The following ARID1B variants were observed in gnomAD, a reference collection of about 807,000 sequenced individuals.
ARID1B encodes AT-rich interactive domain-containing protein 1B.
Under a neutral mutation model 212.3 loss-of-function variants are expected in ARID1B, and 30 were observed. That is an observed-to-expected ratio of 0.14 (90% CI 0.11 to 0.19). The LOEUF is 0.19. ARID1B is among the 10% of genes least tolerant of loss of function. The pLI, the probability that ARID1B is intolerant of heterozygous loss-of-function variation, is 1.00. For missense variants in ARID1B, 2,891 were observed against 3,204.0 expected, an observed-to-expected ratio of 0.90 and a Z score of 2.36; for synonymous variants, 1,402 against 1,301.7, an observed-to-expected ratio of 1.08 and a Z score of -1.66.
intron 4 of ARID1B, among the ~76,000 whole-genome samples, chr6:156,995,751 G>A (rs530412528): frequency 6.6e-5 from 10 of 152,310 alleles, no homozygotes; most frequent in Admixed American, 1.3e-4. Flanking sequence ...CTGCAGCCTA[G>A]TAACGTGTTT....
chr6:156,843,963 C>T (rs1784067823), intron 2 of ARID1B, among the ~76,000 whole-genome samples: 1 of 152,078 alleles, frequency 6.6e-6, no homozygotes, highest in South Asian at 2.1e-4. Flanking sequence ...TGCCCCTAGA[C>T]CTGGATCTTG....
intron 2 of ARID1B, among the ~76,000 whole-genome samples, chr6:156,876,489 G>T (rs867643850): frequency 4.6e-5 from 7 of 152,150 alleles, no homozygotes; most frequent in Non-Finnish European, 7.3e-5. Flanking sequence ...ACCTGGGGGC[G>T]CCTCCAGCAT....
chr6:157,033,748 C>T (rs776397301), intron 4 of ARID1B, among the ~76,000 whole-genome samples: 2 of 152,110 alleles, frequency 1.3e-5, no homozygotes, highest in Non-Finnish European at 2.9e-5. Context: ...TCACAGAGCT[C>T]TTAGAGGTTC....
At chr6:157,103,831 CTTTTTTTT>C (rs869280492) in intron 5 of ARID1B, among the ~76,000 whole-genome samples, 111 of 118,356 alleles carry the variant, frequency 9.4e-4, no homozygotes, top group African/African-American at 3.3e-3. Context: ...ATATTAACAA[CTTTTTTTT>C]TTTTTTTTTT....
chr6:156,913,040 T>TG (rs1358089667), intron 3 of ARID1B, among the ~76,000 whole-genome samples: 2 of 151,150 alleles, frequency 1.3e-5, no homozygotes, highest in East Asian at 3.9e-4. Context: ...TTTTTTCACT[T>TG]GCTTTGTAAA....
At chr6:157,181,938 A>T (rs1792572652) in intron 12 of ARID1B, among the ~76,000 whole-genome samples, 1 of 152,214 alleles carries the variant, frequency 6.6e-6, no homozygotes, top group African/African-American at 2.4e-5. Flanking sequence ...TAGATGAGAA[A>T]ACTCCTGTGT....
At chr6:156,913,136 CT>C (rs1230207463) in intron 3 of ARID1B, among the ~76,000 whole-genome samples, 2 of 150,406 alleles carry the variant, frequency 1.3e-5, no homozygotes, top group Non-Finnish European at 2.9e-5. Context: ...GTACATCTAG[CT>C]AATTAACATA....
intron 1 of ARID1B, among the ~76,000 whole-genome samples, chr6:156,826,722 G>T (rs114952508): frequency 1.3e-5 from 2 of 152,080 alleles, no homozygotes; most frequent in Admixed American, 6.6e-5. Flanking sequence ...TGTCCTTGCC[G>T]AGCACAGCAG....
intron 4 of ARID1B, among the ~76,000 whole-genome samples, chr6:157,078,619 T>G (rs975450721): frequency 1.3e-5 from 2 of 152,206 alleles, no homozygotes; most frequent in Non-Finnish European, 2.9e-5. Flanking sequence ...CTTGCATTGT[T>G]TACCACTTCT....
At chr6:156,802,360 ATTC>A (rs1460043225) in intron 1 of ARID1B, among the ~76,000 whole-genome samples, 2 of 152,226 alleles carry the variant, frequency 1.3e-5, no homozygotes, top group Non-Finnish European at 2.9e-5. Flanking sequence ...TTATGTTCAT[ATTC>A]TTTCGTATTC....
intron 4 of ARID1B, among the ~76,000 whole-genome samples, chr6:156,995,690 G>A (rs982713035): frequency 1.3e-5 from 2 of 152,138 alleles, no homozygotes; most frequent in Non-Finnish European, 2.9e-5. Flanking sequence ...TTCAATTATC[G>A]TCAGTGCTGT....
intron 6 of ARID1B, among the ~76,000 whole-genome samples, chr6:157,113,811 T>TA (rs1289926353): frequency 2.6e-5 from 4 of 152,336 alleles, no homozygotes; most frequent in African/African-American, 9.6e-5. Flanking sequence ...AAATGACTGT[T>TA]ACGTTAGAAG....
chr6:157,003,380 C>A (rs962101950), intron 4 of ARID1B, among the ~76,000 whole-genome samples: 4 of 152,092 alleles, frequency 2.6e-5, no homozygotes, highest in African/African-American at 4.8e-5. Context: ...CTGTACATCC[C>A]GGACAGCCTT....
At chr6:156,813,558 AG>A (rs1395949067) in intron 1 of ARID1B, among the ~76,000 whole-genome samples, 1 of 152,228 alleles carries the variant, frequency 6.6e-6, no homozygotes, top group Non-Finnish European at 1.5e-5. Flanking sequence ...TAGTGAAGTT[AG>A]AATTAAGTGT....
intron 2 of ARID1B, among the ~76,000 whole-genome samples, chr6:156,887,762 G>GA (rs71268479): frequency 0.12 from 17,323 of 149,842 alleles, 1,180 homozygotes; most frequent in East Asian, 0.3. Flanking sequence ...TCTTTCATTT[G>GA]AAAAAAAAAG....
At chr6:156,900,098 CA>C (rs1788796251) in intron 2 of ARID1B, among the ~76,000 whole-genome samples, 1 of 152,066 alleles carries the variant, frequency 6.6e-6, no homozygotes, top group Non-Finnish European at 1.5e-5. Context: ...TAAATAAAAG[CA>C]AAAAATTCAA....
intron 2 of ARID1B, among the ~76,000 whole-genome samples, chr6:156,895,115 C>CA (rs1161412405): frequency 6.6e-6 from 1 of 152,104 alleles, no homozygotes; most frequent in Non-Finnish European, 1.5e-5. Context: ...TTCACATATC[C>CA]TTTAATGTGA....
intron 2 of ARID1B, among the ~76,000 whole-genome samples, chr6:156,837,117 G>A (rs530544514): frequency 1.3e-5 from 2 of 152,106 alleles, no homozygotes; most frequent in Non-Finnish European, 2.9e-5. Flanking sequence ...CAAATTGTTG[G>A]TATCAGTCTA....
chr6:157,148,499 G>C lies in ARID1B; in HGVS notation c.2762-125G>C. On this transcript the variant is annotated intron_variant, in intron 7 of 19. Transcript: ENST00000636930. This position sits in a 1 kb window ranked among gnomAD's most constrained non-coding sequence, Gnocchi z 5.6. ...CTGGCAGCTGCACCAGCAGCAACAG[G>C]AAGGGCCTATAACGGTCATGACTAA... The C allele has an allele frequency of 1.9e-6, 2 of 1,032,630 alleles. No individual in the cohort carries two copies. Among genetic ancestry groups the C allele is most frequent in the Non-Finnish European group, 2.8e-6 (2 of 725,464 alleles). 64.0% of individuals were successfully genotyped at this position (1,032,630 alleles called of 1,614,324 possible). A position where few individuals can be genotyped will look rare whatever the true frequency, so the allele number is the denominator to read the frequency against.
Sources: gnomAD v4.1 joint callset for allele counts (sites outside exome capture counted in the v4.1 genomes callset) on GRCh38, gnomAD v4.1.1 for gene constraint, Gnocchi (gnomAD v3.1) non-coding constraint, MANE v1.5 for transcripts, NCBI Gene and HGNC (gene_info 2026-07-23, HGNC 2026-07-21) for gene names.